Variants in LRRC69 observed in about 807,000 individuals in gnomAD.
LRRC69 encodes leucine-rich repeat-containing protein 69.
In LRRC69, 42 loss-of-function variants were observed where a neutral mutation model predicts 37.8. That is an observed-to-expected ratio of 1.11 (90% CI 0.87 to 1.44). The LOEUF (loss-of-function observed/expected upper bound fraction) is 1.44, where lower values mean the gene tolerates loss of function less well. LRRC69 is among the 40% of genes most tolerant of loss of function. The pLI is 0.00. For synonymous variants in LRRC69, 141 were observed against 143.1 expected (o/e 0.99, Z 0.11); for missense variants, 357 against 401.9 (o/e 0.89, Z 0.96).
intron 5 of LRRC69, among the ~76,000 whole-genome samples, chr8:91,156,517 A>G (rs1340425720): frequency 6.6e-6 from 1 of 151,020 alleles, no homozygotes; most frequent in Non-Finnish European, 1.5e-5. Context: ...CTGCCTTTCT[A>G]CAAGTTATCT....
chr8:91,209,391 C>CATT (rs1809863645), intron 7 of LRRC69: 1 of 152,146 alleles, frequency 6.6e-6, no homozygotes, highest in South Asian at 2.1e-4. Flanking sequence ...GAGATCACGC[C>CATT]ATTGCACTTG....
intron 4 of LRRC69, among the ~76,000 whole-genome samples, chr8:91,134,327 G>T (rs1418518731): frequency 1.3e-5 from 2 of 151,648 alleles, no homozygotes; most frequent in Non-Finnish European, 2.9e-5. Context: ...GTAATTCTCA[G>T]TTGGAGGTCA....
chr8:91,157,358 G>A, intron 5 of LRRC69: 1 of 1,608,576 alleles, frequency 6.2e-7, no homozygotes, highest in Non-Finnish European at 8.5e-7. Flanking sequence ...AAAGAAGTAG[G>A]ACCCACTAAT....
At chr8:91,154,464 C>T (rs1314384008) in intron 5 of LRRC69, among the ~76,000 whole-genome samples, 2 of 151,732 alleles carry the variant, frequency 1.3e-5, no homozygotes, top group Non-Finnish European at 2.9e-5. Flanking sequence ...AGTATTGATG[C>T]AAAAATCCCC....
chr8:91,193,239 T>C (rs1809532860), intron 6 of LRRC69, among the ~76,000 whole-genome samples: 1 of 133,792 alleles, frequency 7.5e-6, no homozygotes, highest in Admixed American at 7.8e-5. Flanking sequence ...CATGCTGTTT[T>C]GGTTACTGTA....
At chr8:91,197,001 G>A (rs1809614971) in intron 6 of LRRC69, among the ~76,000 whole-genome samples, 1 of 151,364 alleles carries the variant, frequency 6.6e-6, no homozygotes, top group Non-Finnish European at 1.5e-5. Context: ...TGATGATGGT[G>A]ATGTACAGAT....
intron 7 of LRRC69, among the ~76,000 whole-genome samples, chr8:91,207,985 C>T (rs1809835363): frequency 6.6e-6 from 1 of 152,202 alleles, no homozygotes; most frequent in African/African-American, 2.4e-5. Flanking sequence ...TCGGCCTCTA[C>T]ATGGCTGGCT....
At position 91,157,227 on chromosome 8, in the gene LRRC69, A is replaced by G. The variant is rs146063110; in HGVS notation, c.651+21488A>G. ...TGTGTAATATAATCACTTTAACATT[A>G]TGAATTCTGACATTAGAAAGCACAC... On this transcript the variant is annotated intron_variant, in intron 5 of 7. Coordinates refer to ENST00000448384, the Ensembl canonical transcript of LRRC69. 35 of 1,217,908 alleles carry G rather than the reference A, an allele frequency of 2.9e-5. No homozygotes were observed. The East Asian group carries it at 8.4e-4, about 29-fold the overall frequency. 75.4% of individuals were successfully genotyped at this position (1,217,908 alleles called of 1,614,324 possible).
rs201883614 is a variant in LRRC69, at chr8:91,135,702, A to T, written c.614A>T (p.Asp205Val). ...GATCTTAAAAAACTAAGAATCCTAG[A>T]CATAGCTGGAAATATTATTCAGATA... Residue 205 changes from aspartate to valine, a missense_variant, in exon 5 of 8, where the codon GAC (aspartate) becomes GTC (valine). Physicochemically the swap from Asp to Val is radical, Grantham distance 152. Transcript: ENST00000448384. The T allele has an allele frequency of 3.8e-4, 557 of 1,461,218 alleles. 4 individuals are homozygous for T. The Middle Eastern group carries it at 4.2e-3, about 11-fold the overall frequency. The allele number at this position is 1,461,218 out of a possible 1,614,324, so 90.5% of individuals were successfully genotyped here.
At chr8:91,133,867 C>T (rs576902690) in intron 4 of LRRC69, among the ~76,000 whole-genome samples, 15 of 151,940 alleles carry the variant, frequency 9.9e-5, no homozygotes, top group Non-Finnish European at 1.6e-4. Flanking sequence ...CTCCTGATCT[C>T]GTGATCCGCC....
At chr8:91,120,044 A>C (rs573322091) in intron 1 of LRRC69, among the ~76,000 whole-genome samples, 3 of 151,418 alleles carry the variant, frequency 2.0e-5, no homozygotes, top group Non-Finnish European at 4.4e-5. Flanking sequence ...GTGGGGGGGA[A>C]CTCCAGCTTC....
At chr8:91,181,212 T>C (rs958379667) in intron 5 of LRRC69, among the ~76,000 whole-genome samples, 18 of 152,298 alleles carry the variant, frequency 1.2e-4, no homozygotes, top group South Asian at 2.1e-4. Context: ...TAAGAATTGG[T>C]AGAAGTTTTT....
chr8:91,184,230 G>A (rs964567321), intron 5 of LRRC69, among the ~76,000 whole-genome samples: 6 of 152,154 alleles, frequency 3.9e-5, no homozygotes, highest in African/African-American at 1.4e-4. Context: ...AGTGAGCTGA[G>A]ATCGTACCAC....
intron 5 of LRRC69, among the ~76,000 whole-genome samples, chr8:91,150,615 G>T (rs1371114220): frequency 6.6e-6 from 1 of 151,978 alleles, no homozygotes; most frequent in Non-Finnish European, 1.5e-5. Context: ...GAGTTAGGGA[G>T]GATTCTCTCT....
chr8:91,141,733 A>G (rs1808536468), intron 5 of LRRC69, among the ~76,000 whole-genome samples: 1 of 152,118 alleles, frequency 6.6e-6, no homozygotes, highest in Non-Finnish European at 1.5e-5. Context: ...AATGATGTAC[A>G]GAAATTTAAA....
At chr8:91,153,968 G>A (rs185628786) in intron 5 of LRRC69, among the ~76,000 whole-genome samples, 580 of 151,842 alleles carry the variant, frequency 3.8e-3, no homozygotes, top group Non-Finnish European at 6.5e-3. Flanking sequence ...TAGACTGCTA[G>A]CTACACTAAT....
chr8:91,195,166 C>A (rs993548562), intron 6 of LRRC69, among the ~76,000 whole-genome samples: 237 of 152,098 alleles, frequency 1.6e-3, no homozygotes, highest in South Asian at 2.5e-3. Flanking sequence ...GAGTGAGATT[C>A]TTAATCCTGA....
At chr8:91,180,659 T>C (rs1809308868) in intron 5 of LRRC69, among the ~76,000 whole-genome samples, 1 of 152,164 alleles carries the variant, frequency 6.6e-6, no homozygotes, top group Non-Finnish European at 1.5e-5. Context: ...TATTTTCTTT[T>C]TGAGCTCTGT....
intron 4 of LRRC69, among the ~76,000 whole-genome samples, chr8:91,134,351 T>C (rs997110434): frequency 3.3e-5 from 5 of 151,624 alleles, no homozygotes; most frequent in African/African-American, 1.2e-4. Flanking sequence ...GCCTGATTAC[T>C]GGGAGGTTGT....
Sources: gnomAD v4.1 joint callset for allele counts (sites outside exome capture counted in the v4.1 genomes callset) on GRCh38, gnomAD v4.1.1 for gene constraint, MANE v1.5 for transcripts, NCBI Gene and HGNC (gene_info 2026-07-23, HGNC 2026-07-21) for gene names.